The following ACOXL variants were observed in gnomAD, a reference collection of about 807,000 sequenced individuals.
ACOXL encodes acyl-coenzyme A oxidase-like protein.
Under a neutral mutation model 71.9 loss-of-function variants are expected in ACOXL, and 70 were observed. That is an observed-to-expected ratio of 0.97 (90% CI 0.80 to 1.19). ACOXL has a LOEUF of 1.19. Among genes scored for constraint, ACOXL ranks in the 50% most tolerant of loss-of-function variants. The pLI is 0.00. For missense variants in ACOXL, 703 were observed against 736.3 expected (o/e 0.95, Z 0.52); for synonymous variants, 253 against 281.6 (o/e 0.90, Z 1.02).
rs1681399999 is a variant in ACOXL at position 110,768,450 on chromosome 2, G to A, written c.61G>A (p.Ala21Thr). The change falls in exon 2 of 18, where the codon GCA (alanine) becomes ACA (threonine). Residue 21 changes from alanine (A) to threonine (T), a missense_variant. Transcript: ENST00000439055. ...FAMDLPLLKR[A>T]GQDLAEKTKN... The stretch of plus-strand genomic sequence containing the variant: ...CATGGACCTGCCTCTGTTAAAACGT[G>A]CAGGTCAGGATCTGGTAAGTGTCAT... 1 of 1,613,482 alleles carries A rather than the reference G, an allele frequency of 6.2e-7. No individual in the cohort carries two copies. The highest frequency in any genetic ancestry group is 1.7e-4 in the Middle Eastern group (1 of 6,060).
intron 10 of ACOXL, among the ~76,000 whole-genome samples, chr2:110,852,149 T>C (rs1692680096): frequency 6.6e-6 from 1 of 152,188 alleles, no homozygotes; most frequent in Admixed American, 6.5e-5. Flanking sequence ...CAGGGTTAAC[T>C]ACTGCAGGGC....
At chr2:111,115,788 C>A (rs2070308399) in intron 17 of ACOXL, among the ~76,000 whole-genome samples, 1 of 152,212 alleles carries the variant, frequency 6.6e-6, no homozygotes, top group African/African-American at 2.4e-5. Context: ...TCTTCACAGC[C>A]AGTTCATTTT....
chr2:111,026,879 T>G (rs1444276191), intron 14 of ACOXL, among the ~76,000 whole-genome samples: 1 of 152,024 alleles, frequency 6.6e-6, no homozygotes. Context: ...TCTTTGTGTT[T>G]TGTTGTTGTT....
intron 9 of ACOXL, among the ~76,000 whole-genome samples, chr2:110,815,308 T>C (rs1687788134): frequency 6.6e-6 from 1 of 152,166 alleles, no homozygotes; most frequent in Non-Finnish European, 1.5e-5. Flanking sequence ...CAAGATGAGA[T>C]TTGGGTGGAA....
At chr2:110,978,394 C>A (rs575975420) in intron 12 of ACOXL, among the ~76,000 whole-genome samples, 1 of 152,198 alleles carries the variant, frequency 6.6e-6, no homozygotes, top group African/African-American at 2.4e-5. Flanking sequence ...AATACTATTA[C>A]GTTGGCAACA....
At chr2:110,784,838 C>T in intron 3 of ACOXL, 23 bp downstream of exon 3, 1 of 1,584,182 alleles carries the variant, frequency 6.3e-7, no homozygotes, top group Non-Finnish European at 8.6e-7. Flanking sequence ...GGGCACCTGC[C>T]CTTCATGAAT....
intron 16 of ACOXL, among the ~76,000 whole-genome samples, chr2:111,067,657 A>G (rs561349541): frequency 1.3e-5 from 2 of 152,358 alleles, no homozygotes; most frequent in South Asian, 4.1e-4. Context: ...CCAAAATTCA[A>G]ATGTTTGGTG....
intron 10 of ACOXL, among the ~76,000 whole-genome samples, chr2:110,851,652 C>T (rs551728998): frequency 1.1e-4 from 16 of 152,294 alleles, no homozygotes; most frequent in Non-Finnish European, 2.2e-4. Context: ...CCTTGTTTTT[C>T]ACTGCAAGGT....
chr2:110,817,049 G>T (rs1255837948), intron 9 of ACOXL, among the ~76,000 whole-genome samples: 1 of 152,202 alleles, frequency 6.6e-6, no homozygotes, highest in Non-Finnish European at 1.5e-5. Context: ...CTACGAAAGG[G>T]CAGGAACTTC....
chr2:111,000,572 G>C (rs1050428499), intron 14 of ACOXL, among the ~76,000 whole-genome samples: 24 of 152,186 alleles, frequency 1.6e-4, no homozygotes, highest in African/African-American at 5.8e-4. Flanking sequence ...CCAGAAATCT[G>C]AAATCATGGT....
At chr2:111,090,777 C>G (rs1437772820) in intron 16 of ACOXL, among the ~76,000 whole-genome samples, 3 of 152,160 alleles carry the variant, frequency 2.0e-5, no homozygotes, top group African/African-American at 7.2e-5. Flanking sequence ...CGCTGAATGA[C>G]CCTCTGTCAG....
At chr2:110,971,261 C>T (rs545288909) in intron 12 of ACOXL, among the ~76,000 whole-genome samples, 7 of 152,304 alleles carry the variant, frequency 4.6e-5, no homozygotes, top group African/African-American at 1.7e-4. Context: ...ATCAAAACTC[C>T]TAGAAGATAT....
intron 14 of ACOXL, among the ~76,000 whole-genome samples, chr2:110,997,839 G>C (rs1220814417): frequency 6.6e-6 from 1 of 152,180 alleles, no homozygotes; most frequent in Non-Finnish European, 1.5e-5. Flanking sequence ...CGGATTGCTT[G>C]AGCTCAGGAG....
intron 11 of ACOXL, among the ~76,000 whole-genome samples, chr2:110,925,293 C>A (rs769686091): frequency 5.3e-5 from 8 of 152,196 alleles, no homozygotes; most frequent in Non-Finnish European, 8.8e-5. Flanking sequence ...TCTCTCTGTT[C>A]TTTGAAGTTT....
At chr2:111,080,770 C>T (rs1558947154) in intron 16 of ACOXL, among the ~76,000 whole-genome samples, 1 of 152,124 alleles carries the variant, frequency 6.6e-6, no homozygotes, top group Non-Finnish European at 1.5e-5. Flanking sequence ...TGAACATCCT[C>T]AATAAAAAAC....
chr2:111,016,729 G>A (rs1056821680), intron 14 of ACOXL: 3 of 153,182 alleles, frequency 2.0e-5, no homozygotes, highest in Non-Finnish European at 4.4e-5. Context: ...ATGGAATCCA[G>A]GTAGCAGGGT....
Position 110,784,759 on chromosome 2 carries a change from C to T in ACOXL, c.103C>T (p.Arg35Ter), listed in dbSNP as rs750745087. Residue 35 changes from arginine to a stop codon, truncating the protein, a stop_gained, in exon 3 of 18, where the codon CGA becomes TGA. Coordinates refer to ENST00000439055, the MANE Select transcript of ACOXL (RefSeq NM_001142807.4). LOFTEE classifies it high-confidence loss of function. ...AGAGAAAACAAAGAATTTTGTCAGCCGAAGCCTTGTCATAGGAGAAGTCCT... is the reference window on the plus strand; with the variant it reads ...AGAGAAAACAAAGAATTTTGTCAGCTGAAGCCTTGTCATAGGAGAAGTCCT... The part of the protein sequence containing the change: ...LAEKTKNFVS[R>*]SLVIGEVLSM... The T allele has an allele frequency of 4.1e-5, 66 of 1,607,470 alleles. No individual in the cohort carries two copies. Among genetic ancestry groups the T allele is most frequent in the Admixed American group, 2.0e-4 (12 of 58,688 alleles).
chr2:110,888,908 A>G (rs1213639917), intron 10 of ACOXL, among the ~76,000 whole-genome samples: 2 of 152,240 alleles, frequency 1.3e-5, no homozygotes, highest in Non-Finnish European at 2.9e-5. Flanking sequence ...TGAATAATGT[A>G]CAAGCAAAAG....
intron 11 of ACOXL, among the ~76,000 whole-genome samples, chr2:110,912,167 A>G (rs1043981548): frequency 6.6e-6 from 1 of 152,136 alleles, no homozygotes; most frequent in Non-Finnish European, 1.5e-5. Context: ...CAGAAGATGT[A>G]ATGTTGTTAA....
Sources: allele counts gnomAD v4.1 joint callset (sites outside exome capture counted in the v4.1 genomes callset), GRCh38; gene constraint gnomAD v4.1.1; transcripts MANE v1.5; gene names NCBI Gene and HGNC (gene_info 2026-07-23, HGNC 2026-07-21).